The following NFIB variants were observed in gnomAD, a reference collection of about 807,000 sequenced individuals.
The protein encoded by NFIB is nuclear factor 1 B-type.
A neutral mutation model predicts 61.5 loss-of-function variants in NFIB; 11 were observed. The observed-to-expected ratio is 0.18, with a 90% CI of 0.11 to 0.30. The LOEUF (loss-of-function observed/expected upper bound fraction) is 0.30. NFIB is among the 10% of genes least tolerant of loss of function. The pLI is 1.00. For missense variants in NFIB, 471 were observed against 608.9 expected, an observed-to-expected ratio of 0.77 and a Z score of 2.38; for synonymous variants, 260 against 216.5, an observed-to-expected ratio of 1.20 and a Z score of -1.76.
intron 5 of NFIB, among the ~76,000 whole-genome samples, chr9:14,149,011 C>T (rs958576492): frequency 1.3e-5 from 2 of 152,124 alleles, no homozygotes; most frequent in Non-Finnish European, 2.9e-5. Context: ...AAGACAGTAT[C>T]TTATATAAAG....
At chr9:14,529,746 A>G in the NFIB span, among the ~76,000 whole-genome samples, 2 of 152,218 alleles carry the variant, frequency 1.3e-5, no homozygotes, top group Admixed American at 6.5e-5. Flanking sequence ...AATGGTCCCA[A>G]TAAGAAACTT....
At chr9:14,421,997 T>C in the NFIB span, among the ~76,000 whole-genome samples, 1 of 152,180 alleles carries the variant, frequency 6.6e-6, no homozygotes, top group Non-Finnish European at 1.5e-5. Context: ...AAAGTTTCTC[T>C]TATGTATTTT....
intron 2 of NFIB, among the ~76,000 whole-genome samples, chr9:14,224,290 GTA>G (rs1265821796): frequency 6.6e-6 from 1 of 152,150 alleles, no homozygotes; most frequent in African/African-American, 2.4e-5. Context: ...GATGTTCTGT[GTA>G]GAAACCATAT....
At chr9:14,339,111 T>C (rs1003212041) in intron 1 of NFIB, among the ~76,000 whole-genome samples, 1 of 152,184 alleles carries the variant, frequency 6.6e-6, no homozygotes, top group African/African-American at 2.4e-5. Context: ...TTTGTTCAAA[T>C]CTAGAAATTG....
intron 1 of NFIB, among the ~76,000 whole-genome samples, chr9:14,349,353 A>G (rs2061077205): frequency 2.0e-5 from 3 of 151,994 alleles, no homozygotes; most frequent in Non-Finnish European, 4.4e-5. Flanking sequence ...TTTAGGGCAA[A>G]CTCTGCAACG....
chr9:14,420,782 G>C, the NFIB span, among the ~76,000 whole-genome samples: 1 of 152,048 alleles, frequency 6.6e-6, no homozygotes, highest in Non-Finnish European at 1.5e-5. Context: ...ACACAGTCCC[G>C]AAACTTCCTA....
At chr9:14,342,252 T>G (rs1452083708) in intron 1 of NFIB, among the ~76,000 whole-genome samples, 3 of 152,168 alleles carry the variant, frequency 2.0e-5, no homozygotes, top group African/African-American at 7.2e-5. Context: ...AACAAATTAT[T>G]TCAGGCAGCA....
At chr9:14,134,409 G>C (rs1016513645) in intron 6 of NFIB, among the ~76,000 whole-genome samples, 1 of 152,108 alleles carries the variant, frequency 6.6e-6, no homozygotes, top group Non-Finnish European at 1.5e-5. Context: ...CAGTATGCTA[G>C]GGACTTGGGA....
At chr9:14,142,646 GA>G (rs897541482) in intron 6 of NFIB, among the ~76,000 whole-genome samples, 21 of 150,388 alleles carry the variant, frequency 1.4e-4, no homozygotes, top group Middle Eastern at 3.4e-3. Context: ...GACTCAGATG[GA>G]AAAAAAAATA....
the NFIB span, among the ~76,000 whole-genome samples, chr9:14,434,635 T>C: frequency 7.2e-5 from 11 of 152,292 alleles, no homozygotes; most frequent in Non-Finnish European, 1.5e-4. Flanking sequence ...AAAGCCAGAA[T>C]CATCTCAGCA....
chr9:14,392,868 C>A (rs544812923), intron 1 of NFIB, among the ~76,000 whole-genome samples: 1 of 152,310 alleles, frequency 6.6e-6, no homozygotes, highest in Non-Finnish European at 1.5e-5. Flanking sequence ...CATTATTAAG[C>A]AGGGTTAATC....
chr9:14,261,984 G>A (rs1187366242), intron 2 of NFIB, among the ~76,000 whole-genome samples: 1 of 152,162 alleles, frequency 6.6e-6, no homozygotes, highest in Non-Finnish European at 1.5e-5. Context: ...GGGGTACAGT[G>A]TCAGAGAGAC....
intron 2 of NFIB, among the ~76,000 whole-genome samples, chr9:14,240,886 T>C (rs112877613): frequency 2.6e-5 from 4 of 152,314 alleles, no homozygotes; most frequent in African/African-American, 7.2e-5. Flanking sequence ...TGAAGTAGCA[T>C]TGGCAAGTGA....
At chr9:14,438,797 G>A in the NFIB span, among the ~76,000 whole-genome samples, 2 of 152,130 alleles carry the variant, frequency 1.3e-5, no homozygotes, top group African/African-American at 4.8e-5. Context: ...CAAAGAGCCG[G>A]GAGAACAGCT....
At chr9:14,213,460 A>G (rs749531247) in intron 2 of NFIB, among the ~76,000 whole-genome samples, 1 of 152,192 alleles carries the variant, frequency 6.6e-6, no homozygotes, top group Admixed American at 6.5e-5. Flanking sequence ...GTCCTAACAG[A>G]GTTTCTGGCC....
chr9:14,135,235 T>C (rs2040906465), intron 6 of NFIB, among the ~76,000 whole-genome samples: 1 of 152,156 alleles, frequency 6.6e-6, no homozygotes, highest in Non-Finnish European at 1.5e-5. Context: ...TTTGGGAAAA[T>C]TGTTGCCTGT....
chr9:14,082,507 A>G lies in NFIB; in HGVS notation c.*5802T>C, dbSNP rs1587023542. ...AATCTACTGCAGCTTTGAGAAACCTATGCCTGGGATGTAGTTACCCCTCAC... is the reference window on the plus strand; with the variant it reads ...AATCTACTGCAGCTTTGAGAAACCTGTGCCTGGGATGTAGTTACCCCTCAC... On this transcript the variant is annotated 3_prime_UTR_variant, in exon 11 of 11. Transcript: ENST00000380953. 3 of 205,646 alleles carry G rather than the reference A, an allele frequency of 1.5e-5. No homozygotes were observed. The East Asian group carries it at 2.2e-4, about 15-fold the overall frequency. 12.7% of individuals were successfully genotyped at this position (205,646 alleles called of 1,614,324 possible). A position where few individuals can be genotyped will look rare whatever the true frequency, so the allele number is the denominator to read the frequency against.
intron 2 of NFIB, among the ~76,000 whole-genome samples, chr9:14,269,715 T>C (rs1442741913): frequency 6.6e-6 from 1 of 152,206 alleles, no homozygotes; most frequent in East Asian, 1.9e-4. Flanking sequence ...ACTCTACATA[T>C]ACCTATATGT....
the NFIB span, among the ~76,000 whole-genome samples, chr9:14,420,983 G>C: frequency 6.8e-6 from 1 of 147,132 alleles, no homozygotes; most frequent in Non-Finnish European, 1.5e-5. Flanking sequence ...CTTAGTCTTA[G>C]TTAATTATAA....
Sources: allele counts gnomAD v4.1 joint callset (sites outside exome capture counted in the v4.1 genomes callset), GRCh38; gene constraint gnomAD v4.1.1; transcripts MANE v1.5; gene names NCBI Gene and HGNC (gene_info 2026-07-23, HGNC 2026-07-21).